Variants in TIAM1 observed in about 807,000 individuals in gnomAD.
The protein encoded by TIAM1 is rho guanine nucleotide exchange factor TIAM1.
In TIAM1, 65 loss-of-function variants were observed where a neutral mutation model predicts 163.5. The ratio of observed to expected loss-of-function variants is 0.40; its 90% CI spans 0.33 to 0.49. TIAM1 has a LOEUF of 0.49. TIAM1 is among the 20% of genes least tolerant of loss of function. The pLI, the probability that TIAM1 is intolerant of heterozygous loss-of-function variation, is 0.77. For synonymous variants in TIAM1, 833 were observed against 810.1 expected, an observed-to-expected ratio of 1.03 and a Z score of -0.48; for missense variants, 1,789 against 2,044.7, an observed-to-expected ratio of 0.87 and a Z score of 2.41.
intron 2 of TIAM1, among the ~76,000 whole-genome samples, chr21:31,421,249 G>A (rs905590028): frequency 6.6e-6 from 1 of 152,170 alleles, no homozygotes; most frequent in Admixed American, 6.5e-5. Flanking sequence ...AAGGCCAAGT[G>A]AAGAGGGAGG....
chr21:31,148,824 G>A (rs1342207270), intron 19 of TIAM1, among the ~76,000 whole-genome samples: 1 of 152,174 alleles, frequency 6.6e-6, no homozygotes, highest in Non-Finnish European at 1.5e-5. Flanking sequence ...CTCACAGGCT[G>A]ACGTACATTG....
At chr21:31,220,143 C>T (rs1029100057) in intron 8 of TIAM1, among the ~76,000 whole-genome samples, 3 of 152,264 alleles carry the variant, frequency 2.0e-5, no homozygotes, top group South Asian at 4.1e-4. Flanking sequence ...GTATAAAATA[C>T]GTCGACATAT....
intron 1 of TIAM1, among the ~76,000 whole-genome samples, chr21:31,541,848 C>A (rs1172554172): frequency 1.3e-5 from 2 of 152,218 alleles, no homozygotes; most frequent in East Asian, 1.9e-4. Flanking sequence ...AATAAAAACA[C>A]ATTTTAAAAG....
chr21:31,485,112 A>G (rs988464437), intron 1 of TIAM1, among the ~76,000 whole-genome samples: 28 of 14,196 alleles, frequency 2.0e-3, no homozygotes, highest in African/African-American at 5.7e-3. Flanking sequence ...GAATAATTTC[A>G]TTCTTTCAGA....
At chr21:31,219,024 CTTT>C (rs35555743) in intron 8 of TIAM1, among the ~76,000 whole-genome samples, 1,309 of 88,346 alleles carry the variant, frequency 0.015, 18 homozygotes, top group African/African-American at 0.048. Flanking sequence ...GAAGCATTTC[CTTT>C]TTTTTTTTTT....
In TIAM1 at chr21:31,339,445, TA is replaced by T. The variant is rs143145057; in HGVS notation, c.-368-24del. On this transcript the variant is annotated intron_variant, in intron 1 of 27. Coordinates refer to ENST00000541036, the MANE Select transcript of TIAM1 (RefSeq NM_001353694.2). ...TACCTATAAGAGCAACATAAGAAAA[TA>T]ATGGGTTTTGTGCTTCGTTTTTACA... 2,388 of 398,476 alleles carry T rather than the reference TA, an allele frequency of 6.0e-3. 52 individuals are homozygous for T. Among genetic ancestry groups the T allele is most frequent in the African/African-American group, 0.045 (2,183 of 48,686 alleles). 24.7% of individuals were successfully genotyped at this position (398,476 alleles called of 1,614,324 possible).
chr21:31,332,974 C>T (rs889642569), intron 2 of TIAM1, among the ~76,000 whole-genome samples: 5 of 151,702 alleles, frequency 3.3e-5, no homozygotes, highest in Non-Finnish European at 1.5e-5. Flanking sequence ...TGATGTATGA[C>T]TGCAGTCCCA....
intron 5 of TIAM1, among the ~76,000 whole-genome samples, chr21:31,245,874 G>A (rs954793589): frequency 2.0e-5 from 3 of 152,144 alleles, no homozygotes; most frequent in African/African-American, 7.2e-5. Flanking sequence ...AGCCTGCCCG[G>A]GTTTCCTTCC....
At chr21:31,542,482 T>C (rs1462529181) in intron 1 of TIAM1, among the ~76,000 whole-genome samples, 1 of 152,004 alleles carries the variant, frequency 6.6e-6, no homozygotes, top group Admixed American at 6.6e-5. Flanking sequence ...ATCTCACCTC[T>C]GAGGCAAAAT....
chr21:31,211,984 G>A (rs1354051257), intron 10 of TIAM1, among the ~76,000 whole-genome samples: 1 of 152,176 alleles, frequency 6.6e-6, no homozygotes. Flanking sequence ...ACTAATAATG[G>A]TATGCAAGAT....
chr21:31,497,931 T>A (rs2046719702), intron 1 of TIAM1, among the ~76,000 whole-genome samples: 1 of 152,116 alleles, frequency 6.6e-6, no homozygotes, highest in African/African-American at 2.4e-5. Flanking sequence ...TAAAATAAAT[T>A]ATGTGATTGA....
At chr21:31,261,262 CTT>C (rs397792273) in intron 4 of TIAM1, among the ~76,000 whole-genome samples, 9 of 136,838 alleles carry the variant, frequency 6.6e-5, no homozygotes, top group Admixed American at 2.9e-4. Flanking sequence ...CAGCCAAGTC[CTT>C]TTTTTTTTTT....
At chr21:31,392,570 CAAAA>C (rs61454127) in intron 2 of TIAM1, among the ~76,000 whole-genome samples, 92 of 84,872 alleles carry the variant, frequency 1.1e-3, no homozygotes, top group African/African-American at 4.1e-3. Context: ...AACTCTGTCT[CAAAA>C]AAAAAAAAAA....
At chr21:31,251,583 T>C (rs371654085) in intron 5 of TIAM1, among the ~76,000 whole-genome samples, 159 bp downstream of exon 5, 9 of 152,344 alleles carry the variant, frequency 5.9e-5, no homozygotes, top group Admixed American at 2.0e-4. Flanking sequence ...GTAGATTTCA[T>C]GCGAAGTGCT....
At chr21:31,172,682 TC>T (rs998287521) in intron 15 of TIAM1, among the ~76,000 whole-genome samples, 8 of 152,082 alleles carry the variant, frequency 5.3e-5, no homozygotes, top group African/African-American at 1.9e-4. Context: ...GTGGACTCTC[TC>T]AGACAGGGAT....
At chr21:31,387,195 C>CTCTCTTT (rs759122075) in intron 2 of TIAM1, among the ~76,000 whole-genome samples, 2 of 75,152 alleles carry the variant, frequency 2.7e-5, no homozygotes, top group Non-Finnish European at 5.2e-5. Flanking sequence ...AGCTTATTCT[C>CTCTCTTT]TTTTTTTTTT....
At chr21:31,188,818 C>T (rs1041343338) in intron 13 of TIAM1, among the ~76,000 whole-genome samples, 20 of 152,072 alleles carry the variant, frequency 1.3e-4, no homozygotes, top group African/African-American at 4.8e-4. Flanking sequence ...ATGCGATCCT[C>T]CCACCTCAGC....
chr21:31,514,677 A>C (rs1887933500), intron 1 of TIAM1, among the ~76,000 whole-genome samples: 1 of 152,086 alleles, frequency 6.6e-6, no homozygotes. Context: ...TGGGTGACAA[A>C]GTGAGACGCT....
intron 1 of TIAM1, among the ~76,000 whole-genome samples, chr21:31,547,212 G>A (rs1009913012): frequency 6.6e-6 from 1 of 152,140 alleles, no homozygotes; most frequent in Non-Finnish European, 1.5e-5. Flanking sequence ...CAGTTAACTG[G>A]GATCTCTAAA....
Sources: gnomAD v4.1 joint callset for allele counts (sites outside exome capture counted in the v4.1 genomes callset) on GRCh38, gnomAD v4.1.1 for gene constraint, MANE v1.5 for transcripts, NCBI Gene and HGNC (gene_info 2026-07-23, HGNC 2026-07-21) for gene names.